Variants in ZFR2 observed in about 807,000 individuals in gnomAD.
ZFR2 encodes the protein zinc finger RNA binding protein 2.
Under a neutral mutation model 105.7 loss-of-function variants are expected in ZFR2, and 104 were observed. That is an observed-to-expected ratio of 0.98 (90% confidence interval 0.84 to 1.16). The LOEUF is 1.16. ZFR2 is among the 50% of genes most tolerant of loss of function. The pLI is 0.00. For synonymous variants in ZFR2, 634 were observed against 597.7 expected (o/e 1.06, Z -0.89); for missense variants, 1,425 against 1,355.5 (o/e 1.05, Z -0.80).
intron 3 of ZFR2, among the ~76,000 whole-genome samples, chr19:3,833,171 C>A (rs2038037262): frequency 6.6e-6 from 1 of 151,032 alleles, no homozygotes; most frequent in Non-Finnish European, 1.5e-5. Flanking sequence ...ATTGTTTGAA[C>A]CTGGGAGGCA....
chr19:3,833,882 C>T (rs1436688728), intron 2 of ZFR2, 104 bp from the exon 3 acceptor site: 3 of 873,254 alleles, frequency 3.4e-6, no homozygotes, highest in Non-Finnish European at 3.5e-6. Flanking sequence ...TTAGTCCTTC[C>T]TGCAGCGCTG....
In ZFR2 at chr19:3,834,728, G is replaced by A. The variant is rs745463519; in HGVS notation, c.264+45C>T. The A allele has an allele frequency of 5.0e-6, 8 of 1,589,624 alleles. No homozygotes were observed. In the African/African-American group the frequency reaches 6.7e-5, roughly 13 times the overall value. On this transcript the variant is annotated intron_variant, in intron 2 of 18. Coordinates refer to ENST00000262961, the MANE Select transcript of ZFR2 (RefSeq NM_015174.2). This position sits in a 1 kb window ranked among gnomAD's most constrained non-coding sequence, Gnocchi z 5.3. The stretch of plus-strand genomic sequence containing the variant: ...CCCACCGCTCTCACCCATGCAAGGC[G>A]ACCCACGTTTCCCGGCAACGCTGGT...
rs957722000 is a variant in ZFR2 at position 3,838,182 on chromosome 19, G to A, written c.54-3199C>T. On this transcript the variant is annotated intron_variant, in intron 1 of 18. Transcript: ENST00000262961. The surrounding 1 kb of genome is among the most constrained non-coding windows in gnomAD (Gnocchi z 4.9). ...GTGACACTCGATGAACACCATGACC[G>A]TGACACCCGATGAACATCCCGACAA... is the stretch of plus-strand genomic sequence containing the variant. Among the ~76,000 whole-genome samples the A allele has an allele frequency of 7.2e-5, 11 of 151,812 alleles. No individual in the cohort carries two copies. The highest frequency in any genetic ancestry group is 2.4e-4 in the African/African-American group (10 of 41,348).
chr19:3,832,489 T>C (rs2038028747), intron 3 of ZFR2, among the ~76,000 whole-genome samples: 1 of 151,872 alleles, frequency 6.6e-6, no homozygotes, highest in Non-Finnish European at 1.5e-5. Context: ...GCCCGGCTAA[T>C]TTTTCTATTT....
chr19:3,824,807 C>T (rs1293278249), intron 7 of ZFR2, among the ~76,000 whole-genome samples: 1 of 152,102 alleles, frequency 6.6e-6, no homozygotes, highest in African/African-American at 2.4e-5. Context: ...CGTGGTGGTG[C>T]ATGCCTATAG....
At chr19:3,820,875 G>C (rs1233118929) in intron 10 of ZFR2, among the ~76,000 whole-genome samples, 7 of 122,472 alleles carry the variant, frequency 5.7e-5, no homozygotes, top group African/African-American at 2.2e-4. Flanking sequence ...AGGGACACTA[G>C]AGGTCGGGGG....
At chr19:3,822,333 C>A in intron 8 of ZFR2, 133 bp from the exon 9 acceptor site, 1 of 1,395,016 alleles carries the variant, frequency 7.2e-7, no homozygotes, top group Non-Finnish European at 9.6e-7. Flanking sequence ...TTAGAGACAG[C>A]GTCTTGCTGT....
Position 3,868,208 on chromosome 19 carries a change from A to AG in ZFR2, c.53+756_53+757insC, listed in dbSNP as rs532658528. Among the ~76,000 whole-genome samples, 471 of 150,032 alleles carry AG rather than the reference A, an allele frequency of 3.1e-3. 3 individuals carry two copies. Among genetic ancestry groups the AG allele is most frequent in the African/African-American group, 0.01 (413 of 40,436 alleles). On this transcript the variant is annotated intron_variant, in intron 1 of 18. Transcript: ENST00000262961. ...GGTTTCTGTCTTCTCTCTTACCCCC[A>AG]TCAGGGGCCAATTCCTCACCCCTCG...
intron 1 of ZFR2, chr19:3,851,765 TAATA>T (rs1207449878): frequency 6.5e-6 from 1 of 153,182 alleles, no homozygotes; most frequent in Non-Finnish European, 1.5e-5. Context: ...AAAAGGGTAA[TAATA>T]CTTCATGGCA....
chr19:3,855,659 A>AG, intron 1 of ZFR2: 1 of 389,098 alleles, frequency 2.6e-6, no homozygotes, highest in Non-Finnish European at 4.5e-6. Context: ...GGGTGTGAGC[A>AG]GGGGGTTGCA....
chr19:3,809,914 A>G (rs551362556), intron 16 of ZFR2, among the ~76,000 whole-genome samples: 76 of 152,350 alleles, frequency 5.0e-4, no homozygotes, highest in Non-Finnish European at 1.9e-4. Context: ...ACTGCACTCC[A>G]GCCTGGGCAA....
chr19:3,807,556 C>T (rs890536338), intron 17 of ZFR2, among the ~76,000 whole-genome samples: 4 of 151,884 alleles, frequency 2.6e-5, no homozygotes, highest in South Asian at 2.1e-4. Flanking sequence ...CATACGCTGA[C>T]GTGTGTGTCC....
At chr19:3,845,897 T>C (rs538791601) in intron 1 of ZFR2, among the ~76,000 whole-genome samples, 3 of 152,256 alleles carry the variant, frequency 2.0e-5, no homozygotes, top group African/African-American at 7.2e-5. Flanking sequence ...CACAGGAAGG[T>C]GTGGGAAAAG....
chr19:3,863,952 G>A (rs142724672), intron 1 of ZFR2, among the ~76,000 whole-genome samples: 3 of 152,108 alleles, frequency 2.0e-5, no homozygotes, highest in South Asian at 2.1e-4. Context: ...TCAGGTGCCC[G>A]GGACTCACCT....
At chr19:3,849,069 G>C (rs1002333601) in intron 1 of ZFR2, among the ~76,000 whole-genome samples, 1 of 152,194 alleles carries the variant, frequency 6.6e-6, no homozygotes, top group African/African-American at 2.4e-5. Flanking sequence ...ATAGTAAATC[G>C]TGAGTAGCTT....
At position 3,823,541 on chromosome 19, in the gene ZFR2, G is replaced by C. The variant is rs1276301062; in HGVS notation, c.1214-138C>G. On this transcript the variant is annotated intron_variant, in intron 7 of 18. Coordinates refer to ENST00000262961, the MANE Select transcript of ZFR2 (RefSeq NM_015174.2). This position sits in a 1 kb window ranked among gnomAD's most constrained non-coding sequence, Gnocchi z 5.4. ...CCCCTCCCTCCTGTGATGTCAGGGGGAATGGCCCCGGACAGCAACCTCGCT... is the reference window on the plus strand; with the variant it reads ...CCCCTCCCTCCTGTGATGTCAGGGGCAATGGCCCCGGACAGCAACCTCGCT... 4.5e-6 allele frequency: 4 copies of C among 880,348 alleles called. No individual in the cohort carries two copies. The African/African-American group carries it at 5.1e-5, about 11-fold the overall frequency. 54.5% of individuals were successfully genotyped at this position (880,348 alleles called of 1,614,324 possible).
At chr19:3,843,209 G>A (rs1599245401) in intron 1 of ZFR2, among the ~76,000 whole-genome samples, 1 of 152,242 alleles carries the variant, frequency 6.6e-6, no homozygotes, top group African/African-American at 2.4e-5. Flanking sequence ...GGTGGCTCAC[G>A]CCTGGGATCC....
chr19:3,808,938 G>A lies in ZFR2; in HGVS notation c.2479C>T (p.Pro827Ser). 1 of 1,571,404 alleles carries A rather than the reference G, an allele frequency of 6.4e-7. No homozygotes were observed. The highest frequency in any genetic ancestry group is 8.6e-7 in the Non-Finnish European group (1 of 1,160,962). Residue 827 changes from proline to serine, a missense_variant, in exon 17 of 19, where the codon CCC (proline) becomes TCC (serine). Physicochemically the swap from Pro to Ser is moderately conservative, Grantham distance 74 (BLOSUM62 -1). Transcript: ENST00000262961. ...CTGACTGCATCCCCGGGGCCCAGGG[G>A]CCCAGCCGCACTGCTCACAGCCTTC... ...VEKAVSSAAG[P>S]LGPGDAVRRV...
intron 3 of ZFR2, among the ~76,000 whole-genome samples, chr19:3,832,639 TTA>T (rs1568425495): frequency 0.015 from 2,271 of 150,388 alleles, 56 homozygotes; most frequent in African/African-American, 0.053. Flanking sequence ...TTTTTTTTTT[TTA>T]TTTTTTATTT....
Sources: allele counts gnomAD v4.1 joint callset (sites outside exome capture counted in the v4.1 genomes callset), GRCh38; gene constraint gnomAD v4.1.1; non-coding constraint Gnocchi (gnomAD v3.1); transcripts MANE v1.5; gene names NCBI Gene and HGNC (gene_info 2026-07-23, HGNC 2026-07-21).